Variants in SYNE1 observed in about 807,000 individuals in gnomAD.
SYNE1 encodes spectrin repeat containing nuclear envelope protein 1.
In SYNE1, 616 loss-of-function variants were observed where a neutral mutation model predicts 1,111.0. The ratio of observed to expected loss-of-function variants is 0.55; its 90% confidence interval spans 0.52 to 0.59. SYNE1 has a LOEUF of 0.59. SYNE1 is among the 20% of genes least tolerant of loss of function. The pLI is 0.00. For missense variants in SYNE1, 10,006 were observed against 10,417.0 expected (o/e 0.96, Z 1.72); for synonymous variants, 3,855 against 3,825.8 (o/e 1.01, Z -0.28).
At chr6:152,462,609 G>A in intron 20 of SYNE1, 129 bp downstream of exon 20, 1 of 1,017,002 alleles carries the variant, frequency 9.8e-7, no homozygotes, top group Non-Finnish European at 1.5e-6. Context: ...GTGCAAATTG[G>A]GACATACAGA....
chr6:152,549,275 T>C (rs1156372177), intron 3 of SYNE1, among the ~76,000 whole-genome samples: 2 of 152,240 alleles, frequency 1.3e-5, no homozygotes, highest in African/African-American at 2.4e-5. Flanking sequence ...GCCCCCTGCC[T>C]GGTATATTGT....
At chr6:152,629,170 G>C (rs1366455394) in intron 2 of SYNE1, among the ~76,000 whole-genome samples, 3 of 152,084 alleles carry the variant, frequency 2.0e-5, no homozygotes, top group Non-Finnish European at 4.4e-5. Flanking sequence ...GGGTGAAGCA[G>C]AGTGGACATT....
At chr6:152,478,937 G>A (rs2098855995) in intron 14 of SYNE1, among the ~76,000 whole-genome samples, 1 of 152,214 alleles carries the variant, frequency 6.6e-6, no homozygotes. Flanking sequence ...GACAAGGCAA[G>A]CGAGGATGTG....
Position 152,628,521 on chromosome 6 carries a change from T to C in SYNE1, c.-190A>G. The C allele has an allele frequency of 3.2e-6, 2 of 633,392 alleles. No homozygotes were observed. Among genetic ancestry groups the C allele is most frequent in the Non-Finnish European group, 5.6e-6 (2 of 355,438 alleles). The allele number at this position is 633,392 out of a possible 1,614,324, so 39.2% of individuals were successfully genotyped here. On this transcript the variant is annotated 5_prime_UTR_variant, in exon 3 of 146. Transcript: ENST00000367255. The stretch of plus-strand genomic sequence containing the variant: ...TGAACTGCTTCTTTTTCTTCTTCCG[T>C]TTTAAGACTGTCCTCTTACATGAAC...
intron 11 of SYNE1, among the ~76,000 whole-genome samples, chr6:152,495,325 G>T (rs1211566930): frequency 6.6e-6 from 1 of 152,104 alleles, no homozygotes; most frequent in East Asian, 1.9e-4. Context: ...GGCCACCGCG[G>T]TCATCTCCTC....
chr6:152,425,263 G>T, intron 39 of SYNE1, 118 bp downstream of exon 39: 1 of 1,081,766 alleles, frequency 9.2e-7, no homozygotes, highest in Non-Finnish European at 1.3e-6. Context: ...CCCTTCTGTA[G>T]TTATCAGGTG....
At position 152,437,400 on chromosome 6, in the gene SYNE1, A is replaced by G. The variant is rs1225462427; in HGVS notation, c.4150-1299T>C. The stretch of plus-strand genomic sequence containing the variant: ...ATGCAGATGATAATCCTTTTCTTAG[A>G]AGGTTACTGTTAGCATTCTATTAGC... On this transcript the variant is annotated intron_variant, in intron 32 of 145. Coordinates refer to ENST00000367255, the MANE Select transcript of SYNE1 (RefSeq NM_182961.4). 3.3e-5 allele frequency among the ~76,000 whole-genome samples: 5 copies of G among 152,270 alleles called. No individual in the cohort carries two copies. The East Asian group carries it at 9.7e-4, about 29-fold the overall frequency.
intron 3 of SYNE1, among the ~76,000 whole-genome samples, chr6:152,612,548 G>A (rs910706039): frequency 3.3e-5 from 5 of 151,854 alleles, no homozygotes; most frequent in African/African-American, 7.3e-5. Context: ...AAATGGATTC[G>A]CAGCTGAATT....
Position 152,151,536 on chromosome 6 carries a change from G to C in SYNE1, c.24450+17C>G. On this transcript the variant is annotated intron_variant, in intron 135 of 145. Coordinates refer to ENST00000367255, the MANE Select transcript of SYNE1 (RefSeq NM_182961.4). ...CAGGCTTTCTTCACTTTGGTAACTT[G>C]AAAAATAATCTATTACCTTGAGTTG... 6.2e-7 allele frequency: 1 copy of C among 1,613,432 alleles called. No homozygotes were observed. Among genetic ancestry groups the C allele is most frequent in the Non-Finnish European group, 8.5e-7 (1 of 1,179,828 alleles).
intron 58 of SYNE1, among the ~76,000 whole-genome samples, chr6:152,374,848 G>A (rs1022832813): frequency 1.3e-5 from 2 of 151,894 alleles, no homozygotes; most frequent in Admixed American, 6.6e-5. Flanking sequence ...AGAAAAATAG[G>A]TGATTGAGTT....
intron 30 of SYNE1, among the ~76,000 whole-genome samples, chr6:152,443,543 C>T (rs561247334): frequency 6.6e-6 from 1 of 152,306 alleles, no homozygotes; most frequent in African/African-American, 2.4e-5. Flanking sequence ...GGATTACAGG[C>T]GTGAGCCACC....
At chr6:152,610,299 A>C (rs1160805863) in intron 3 of SYNE1, among the ~76,000 whole-genome samples, 1 of 152,226 alleles carries the variant, frequency 6.6e-6, no homozygotes, top group Non-Finnish European at 1.5e-5. Context: ...AGATGACCTT[A>C]AATGACCTGA....
chr6:152,445,622 C>T (rs570990461), intron 29 of SYNE1, among the ~76,000 whole-genome samples: 2 of 152,158 alleles, frequency 1.3e-5, no homozygotes, highest in African/African-American at 2.4e-5. Flanking sequence ...AGCAATGAGA[C>T]CTTACGAAAA....
intron 115 of SYNE1, among the ~76,000 whole-genome samples, chr6:152,230,296 A>G (rs1433176761): frequency 6.6e-6 from 1 of 152,216 alleles, no homozygotes; most frequent in African/African-American, 2.4e-5. Context: ...TACAGGGTTC[A>G]TAGCATTTCT....
intron 14 of SYNE1, among the ~76,000 whole-genome samples, chr6:152,474,905 T>G (rs2098826513): frequency 6.6e-6 from 1 of 152,030 alleles, no homozygotes; most frequent in African/African-American, 2.4e-5. Context: ...CTTAATCAAC[T>G]TATAAATAGC....
intron 3 of SYNE1, among the ~76,000 whole-genome samples, chr6:152,580,476 G>T (rs1362440334): frequency 6.6e-6 from 1 of 152,160 alleles, no homozygotes; most frequent in East Asian, 1.9e-4. Context: ...TGTTTACTCA[G>T]TTGACAGTGT....
rs1194309671 is a variant in SYNE1 at position 152,363,575 on chromosome 6, G to A, written c.10146-1252C>T. 5 of 166,544 alleles carry A rather than the reference G, an allele frequency of 3.0e-5. No individual in the cohort carries two copies. The Admixed American group carries it at 3.2e-4, about 11-fold the overall frequency. The allele number at this position is 166,544 out of a possible 1,614,324, so 10.3% of individuals were successfully genotyped here. A position where few individuals can be genotyped will look rare whatever the true frequency, so the allele number is the denominator to read the frequency against. Reference sequence around the variant, plus strand: ...TAAATAAATTCCATTAATCATTTCTGCCTAATTGTACTACCAGGTTTTGGG... The same window carrying A: ...TAAATAAATTCCATTAATCATTTCTACCTAATTGTACTACCAGGTTTTGGG... On this transcript the variant is annotated intron_variant, in intron 63 of 145. Coordinates refer to ENST00000367255, the MANE Select transcript of SYNE1 (RefSeq NM_182961.4).
intron 28 of SYNE1, among the ~76,000 whole-genome samples, chr6:152,449,234 G>A (rs1278923015): frequency 6.6e-6 from 1 of 152,130 alleles, no homozygotes; most frequent in Non-Finnish European, 1.5e-5. Flanking sequence ...TTTCCATGAT[G>A]ATTCTTAAGT....
intron 99 of SYNE1, 82 bp downstream of exon 99, chr6:152,269,073 C>T (rs922229397): frequency 3.1e-6 from 5 of 1,599,772 alleles, no homozygotes; most frequent in Non-Finnish European, 4.3e-6. Flanking sequence ...ACAGAAGCAA[C>T]TTGTCTGTCC....
Sources: gnomAD v4.1 joint callset for allele counts (sites outside exome capture counted in the v4.1 genomes callset) on GRCh38, gnomAD v4.1.1 for gene constraint, MANE v1.5 for transcripts, NCBI Gene and HGNC (gene_info 2026-07-23, HGNC 2026-07-21) for gene names.